Variants in RGL1 observed in about 807,000 individuals in gnomAD.
RGL1 encodes the protein ral guanine nucleotide dissociation stimulator-like 1.
RGL1 carries 24 observed loss-of-function variants against 95.2 expected under a neutral mutation model. The ratio of observed to expected loss-of-function variants is 0.25; its 90% CI spans 0.18 to 0.35. The LOEUF is 0.35. RGL1 is among the 10% of genes least tolerant of loss of function. The probability of loss-of-function intolerance (pLI) is 1.00; values close to 1 mark genes in which losing one functional copy is unlikely to be tolerated. For synonymous variants in RGL1, 329 were observed against 344.9 expected (o/e 0.95, Z 0.51); for missense variants, 715 against 936.3 (o/e 0.76, Z 3.08).
chr1:183,884,202 T>C (rs1666990334), intron 6 of RGL1, among the ~76,000 whole-genome samples: 1 of 152,234 alleles, frequency 6.6e-6, no homozygotes, highest in Non-Finnish European at 1.5e-5. Context: ...TCTGTGGGTA[T>C]TTTTCTCCCT....
At chr1:183,826,096 C>T (rs1662836142) in intron 2 of RGL1, among the ~76,000 whole-genome samples, 2 of 151,902 alleles carry the variant, frequency 1.3e-5, no homozygotes, top group African/African-American at 4.8e-5. Context: ...CTCTGTTGCC[C>T]AGGCTGGAGT....
In RGL1 at chr1:183,891,632, G is replaced by A. The variant is rs141648393; in HGVS notation, c.1056-445G>A. On this transcript the variant is annotated intron_variant, in intron 8 of 17. Transcript: ENST00000360851. ...TACCTACAACCCTCAGCAGTTATTC[G>A]TGGAAATTTGGGAAAATCCCTGGTT... 4.2e-3 allele frequency among the ~76,000 whole-genome samples: 635 copies of A among 151,800 alleles called. 5 individuals carry two copies. The highest frequency in any genetic ancestry group is 0.015 in the African/African-American group (602 of 41,368).
chr1:183,657,011 CAAA>C (rs1278009517), intron 1 of RGL1, among the ~76,000 whole-genome samples: 3 of 124,636 alleles, frequency 2.4e-5, no homozygotes, highest in Admixed American at 8.3e-5. Context: ...AAAATCGACT[CAAA>C]AAAAAAAAAA....
intron 2 of RGL1, among the ~76,000 whole-genome samples, chr1:183,818,059 C>T (rs1176377126): frequency 6.6e-6 from 1 of 152,184 alleles, no homozygotes; most frequent in Non-Finnish European, 1.5e-5. Flanking sequence ...AGACAATCCA[C>T]AAATGAGTGT....
intron 2 of RGL1, among the ~76,000 whole-genome samples, chr1:183,819,754 T>C (rs1662328164): frequency 6.6e-6 from 1 of 151,976 alleles, no homozygotes; most frequent in African/African-American, 2.4e-5. Flanking sequence ...AGCAATGCCA[T>C]TCTTAAAAGA....
At chr1:183,661,968 T>C (rs945530008) in intron 1 of RGL1, among the ~76,000 whole-genome samples, 46 of 150,204 alleles carry the variant, frequency 3.1e-4, no homozygotes, top group Non-Finnish European at 5.3e-4. Flanking sequence ...ACCACATGAT[T>C]ATCTCAATAG....
At chr1:183,711,313 A>G (rs1363194207) in intron 1 of RGL1, among the ~76,000 whole-genome samples, 2 of 152,194 alleles carry the variant, frequency 1.3e-5, no homozygotes, top group Admixed American at 1.3e-4. Context: ...TCCAGAGGAC[A>G]TCTGTCATTT....
At chr1:183,848,641 A>G (rs1219142463) in intron 3 of RGL1, among the ~76,000 whole-genome samples, 2 of 152,218 alleles carry the variant, frequency 1.3e-5, no homozygotes, top group African/African-American at 4.8e-5. Flanking sequence ...CTGTGGAAGA[A>G]TATGCAAAAT....
chr1:183,839,171 CA>C (rs1224446175), intron 2 of RGL1, among the ~76,000 whole-genome samples: 1 of 152,142 alleles, frequency 6.6e-6, no homozygotes, highest in Non-Finnish European at 1.5e-5. Context: ...ATCCAGATAC[CA>C]TCCTTAGCCT....
At chr1:183,795,253 G>A (rs992533993) in intron 2 of RGL1, among the ~76,000 whole-genome samples, 1 of 152,216 alleles carries the variant, frequency 6.6e-6, no homozygotes, top group African/African-American at 2.4e-5. Flanking sequence ...AGTGTGAGGT[G>A]CTAGAAATAC....
At chr1:183,715,774 G>A (rs1655588499) in intron 1 of RGL1, among the ~76,000 whole-genome samples, 1 of 151,718 alleles carries the variant, frequency 6.6e-6, no homozygotes, top group African/African-American at 2.4e-5. Flanking sequence ...AGGGAGGGAG[G>A]GAGGGAGGGA....
At chr1:183,789,731 C>G (rs1191037569) in intron 2 of RGL1, among the ~76,000 whole-genome samples, 1 of 152,072 alleles carries the variant, frequency 6.6e-6, no homozygotes, top group Non-Finnish European at 1.5e-5. Flanking sequence ...TGTCACAGAT[C>G]TATGCCAGTT....
At chr1:183,714,331 G>GTTT (rs1655486201) in intron 1 of RGL1, among the ~76,000 whole-genome samples, 1 of 152,150 alleles carries the variant, frequency 6.6e-6, no homozygotes, top group Non-Finnish European at 1.5e-5. Flanking sequence ...TTTTTGCAAG[G>GTTT]TGGTCTATCT....
chr1:183,849,089 T>C (rs1464706566), intron 3 of RGL1, among the ~76,000 whole-genome samples: 1 of 152,124 alleles, frequency 6.6e-6, no homozygotes, highest in Non-Finnish European at 1.5e-5. Context: ...AAAAATTTTT[T>C]TTTTCTATTT....
intron 2 of RGL1, among the ~76,000 whole-genome samples, chr1:183,779,158 CCCTTCCTT>C (rs34992555): frequency 0.13 from 12,083 of 91,724 alleles, 975 homozygotes; most frequent in East Asian, 0.15. Flanking sequence ...TCAAAATTTT[CCCTTCCTT>C]CCTTCCTTCC....
chr1:183,710,321 A>T (rs1655183807), intron 1 of RGL1: 1 of 158,456 alleles, frequency 6.3e-6, no homozygotes. Context: ...CCTCTCCAAG[A>T]CCTATGAAGG....
chr1:183,639,248 T>C (rs1210179757), intron 1 of RGL1, among the ~76,000 whole-genome samples: 2 of 143,530 alleles, frequency 1.4e-5, no homozygotes, highest in Admixed American at 7.2e-5. Flanking sequence ...GCCATTGCAC[T>C]CCAGCCTGGT....
In RGL1 at chr1:183,855,197, G is replaced by C. The variant is rs1261284436; in HGVS notation, c.347+7423G>C. Among the ~76,000 whole-genome samples, 3 of 152,178 alleles carry C rather than the reference G, an allele frequency of 2.0e-5. No homozygotes were observed. The South Asian group carries it at 6.2e-4, about 32-fold the overall frequency. ...ATTGCCCAGCCTCTGCCCATGTTTA[G>C]TGGGAGAGACAAATAAGTCTATAGA... On this transcript the variant is annotated intron_variant, in intron 3 of 17. Coordinates refer to ENST00000360851, the MANE Select transcript of RGL1 (RefSeq NM_001297671.3).
At chr1:183,742,832 G>A (rs1657395694) in intron 2 of RGL1, among the ~76,000 whole-genome samples, 1 of 151,956 alleles carries the variant, frequency 6.6e-6, no homozygotes, top group Non-Finnish European at 1.5e-5. Flanking sequence ...TGCGTTTGAG[G>A]TAAAATACAT....
Sources: allele counts gnomAD v4.1 joint callset (sites outside exome capture counted in the v4.1 genomes callset), GRCh38; gene constraint gnomAD v4.1.1; transcripts MANE v1.5; gene names NCBI Gene and HGNC (gene_info 2026-07-23, HGNC 2026-07-21).